The following KCNMA1 variants were observed in gnomAD, a reference collection of about 807,000 sequenced individuals.
KCNMA1 encodes Calcium-activated potassium channel subunit alpha-1.
A neutral mutation model predicts 140.0 loss-of-function variants in KCNMA1; 29 were observed. That is an observed-to-expected ratio of 0.21 (90% CI 0.15 to 0.28). The LOEUF (loss-of-function observed/expected upper bound fraction) is 0.28, where lower values mean the gene tolerates loss of function less well. Ranked by LOEUF, KCNMA1 falls within the 10% of genes least tolerant of loss-of-function variation. KCNMA1 has a pLI of 1.00. For synonymous variants in KCNMA1, 612 were observed against 611.9 expected (o/e 1.00, Z 0.00); for missense variants, 880 against 1,602.2 (o/e 0.55, Z 7.70).
chr10:76,887,671 T>A (rs1419230465), intron 27 of KCNMA1, 156 bp from the exon 28 acceptor site: 3 of 817,196 alleles, frequency 3.7e-6, no homozygotes, highest in African/African-American at 1.7e-5. Context: ...ATTCTTTTTC[T>A]TGTTAAATGG....
intron 15 of KCNMA1, chr10:77,039,061 C>A: frequency 5.0e-6 from 1 of 198,860 alleles, no homozygotes; most frequent in South Asian, 1.1e-4. Context: ...CACATTTCCT[C>A]AGCAAAGGGT....
In KCNMA1 at chr10:77,432,853, G is replaced by C. The variant is rs181879997; in HGVS notation, c.379-28830C>G. On this transcript the variant is annotated intron_variant, in intron 1 of 27. Coordinates refer to ENST00000286628, the MANE Select transcript of KCNMA1 (RefSeq NM_001161352.2). ...ACCTGGGCGAGAGAGACTTACAGAG[G>C]GGGAAGGGGCAGGGAGGGAAGAAGG... 3.5e-3 allele frequency among the ~76,000 whole-genome samples: 537 copies of C among 152,250 alleles called. 5 individuals carry two copies. Among genetic ancestry groups the C allele is most frequent in the African/African-American group, 0.012 (512 of 41,552 alleles).
At chr10:77,475,730 C>T (rs1335756517) in intron 1 of KCNMA1, among the ~76,000 whole-genome samples, 1 of 152,140 alleles carries the variant, frequency 6.6e-6, no homozygotes, top group Non-Finnish European at 1.5e-5. Flanking sequence ...CAAAACATGA[C>T]CTGAGGACTT....
chr10:77,025,279 TATAC>T (rs1360204980), intron 16 of KCNMA1, among the ~76,000 whole-genome samples: 1 of 132,388 alleles, frequency 7.6e-6, no homozygotes, highest in Non-Finnish European at 1.6e-5. Flanking sequence ...TATATATATA[TATAC>T]ACACACACAT....
At chr10:77,537,816 A>G (rs2154554298) in intron 1 of KCNMA1, among the ~76,000 whole-genome samples, 1 of 152,256 alleles carries the variant, frequency 6.6e-6, no homozygotes, top group Non-Finnish European at 1.5e-5. Context: ...TCGGACTGCA[A>G]CACGCTGCCT....
At chr10:77,364,718 G>A (rs966586801) in intron 2 of KCNMA1, among the ~76,000 whole-genome samples, 2 of 152,140 alleles carry the variant, frequency 1.3e-5, no homozygotes, top group African/African-American at 4.8e-5. Context: ...GGCCAGGCCT[G>A]AATGGGTAGC....
intron 16 of KCNMA1, among the ~76,000 whole-genome samples, chr10:77,022,578 G>C (rs959143845): frequency 1.3e-5 from 2 of 152,100 alleles, no homozygotes; most frequent in African/African-American, 4.8e-5. Flanking sequence ...TTTTCTGTAA[G>C]GAACCCACAG....
chr10:76,916,527 G>C (rs534494575), intron 23 of KCNMA1, among the ~76,000 whole-genome samples: 13 of 152,340 alleles, frequency 8.5e-5, no homozygotes, highest in African/African-American at 3.1e-4. Context: ...GCAAGACCCA[G>C]TGCAATTACA....
At chr10:77,064,023 C>G in intron 14 of KCNMA1, 1 of 985,398 alleles carries the variant, frequency 1.0e-6, no homozygotes, top group Non-Finnish European at 1.2e-6. Context: ...TGCCGCTTCT[C>G]GGGCCCCATC....
intron 3 of KCNMA1, among the ~76,000 whole-genome samples, chr10:77,187,231 G>A (rs2098874497): frequency 6.6e-6 from 1 of 152,148 alleles, no homozygotes; most frequent in Non-Finnish European, 1.5e-5. Flanking sequence ...ATGCCACAGA[G>A]GATACTTGGA....
chr10:76,987,028 A>G (rs2081443018), intron 19 of KCNMA1, among the ~76,000 whole-genome samples: 1 of 152,032 alleles, frequency 6.6e-6, no homozygotes. Flanking sequence ...TAAAGGAACA[A>G]GAAGGAAGAA....
chr10:77,488,421 C>T (rs1332253769), intron 1 of KCNMA1, among the ~76,000 whole-genome samples: 1 of 152,198 alleles, frequency 6.6e-6, no homozygotes, highest in Non-Finnish European at 1.5e-5. Flanking sequence ...GGACCCTGAG[C>T]ACTGACTGGT....
At chr10:77,364,475 GA>G (rs1008095123) in intron 2 of KCNMA1, among the ~76,000 whole-genome samples, 5 of 151,822 alleles carry the variant, frequency 3.3e-5, no homozygotes, top group African/African-American at 7.3e-5. Flanking sequence ...AAAAAGAAAA[GA>G]AAAAAAGAGA....
chr10:76,913,977 A>G, intron 24 of KCNMA1: 3 of 1,109,250 alleles, frequency 2.7e-6, no homozygotes, highest in Non-Finnish European at 2.7e-6. Flanking sequence ...CGGTGAAATA[A>G]AAACAAGCTG....
intron 2 of KCNMA1, among the ~76,000 whole-genome samples, chr10:77,300,012 G>A (rs576377468): frequency 6.6e-6 from 1 of 152,338 alleles, no homozygotes; most frequent in East Asian, 1.9e-4. Context: ...CCTGGGCTGG[G>A]CTCCATCAGC....
intron 20 of KCNMA1, among the ~76,000 whole-genome samples, chr10:76,965,468 C>T (rs994337218): frequency 6.6e-6 from 1 of 152,130 alleles, no homozygotes; most frequent in Non-Finnish European, 1.5e-5. Flanking sequence ...TCTGCTGCCA[C>T]CAGTGATTCC....
chr10:76,976,878 C>T (rs1240941527), intron 19 of KCNMA1, among the ~76,000 whole-genome samples: 1 of 151,950 alleles, frequency 6.6e-6, no homozygotes, highest in African/African-American at 2.4e-5. Flanking sequence ...CAGAGATGAA[C>T]GATGGAATTC....
At chr10:77,326,462 G>A (rs1235530308) in intron 2 of KCNMA1, among the ~76,000 whole-genome samples, 1 of 152,142 alleles carries the variant, frequency 6.6e-6, no homozygotes, top group East Asian at 1.9e-4. Flanking sequence ...ACATAGCACA[G>A]AATCTGGCAC....
chr10:76,953,671 A>T lies in KCNMA1; in HGVS notation c.2484+130T>A, dbSNP rs1300584875. ...CTAGCTGCTTCAATCTATGCTCAGA[A>T]TTTCACTCATCAAAAATAATTAGGA... On this transcript the variant is annotated intron_variant, in intron 21 of 27. Coordinates refer to ENST00000286628, the MANE Select transcript of KCNMA1 (RefSeq NM_001161352.2). 2.7e-6 allele frequency: 3 copies of T among 1,101,694 alleles called. No individual in the cohort carries two copies. In the African/African-American group the frequency reaches 4.6e-5, roughly 17 times the overall value. The allele number at this position is 1,101,694 out of a possible 1,614,324, so 68.2% of individuals were successfully genotyped here. A position where few individuals can be genotyped will look rare whatever the true frequency, so the allele number is the denominator to read the frequency against.
Sources: allele counts gnomAD v4.1 joint callset (sites outside exome capture counted in the v4.1 genomes callset), GRCh38; gene constraint gnomAD v4.1.1; transcripts MANE v1.5; gene names NCBI Gene and HGNC (gene_info 2026-07-23, HGNC 2026-07-21).